The following ME1 variants were observed in gnomAD, a reference collection of about 807,000 sequenced individuals.
ME1 encodes the protein malic enzyme 1, also known as NADP-dependent malic enzyme.
A neutral mutation model predicts 66.4 loss-of-function variants in ME1; 74 were observed. That is an observed-to-expected ratio of 1.11 (90% confidence interval 0.92 to 1.35). The LOEUF is 1.35. ME1 is among the 40% of genes most tolerant of loss of function. ME1 has a pLI of 0.00. For missense variants in ME1, 750 were observed against 694.1 expected (o/e 1.08, Z -0.90); for synonymous variants, 251 against 235.6 (o/e 1.07, Z -0.60).
At chr6:83,339,551 C>A (rs1768532315) in intron 5 of ME1, among the ~76,000 whole-genome samples, 1 of 21,486 alleles carries the variant, frequency 4.7e-5, no homozygotes, top group Non-Finnish European at 9.6e-5. Flanking sequence ...TTCACAATAG[C>A]AAAGACTTGG....
At chr6:83,358,606 C>T (rs1302914067) in intron 3 of ME1, among the ~76,000 whole-genome samples, 6 of 152,062 alleles carry the variant, frequency 3.9e-5, no homozygotes, top group Non-Finnish European at 8.8e-5. Context: ...GTGAGGGCAT[C>T]GATTAGAAAA....
intron 12 of ME1, among the ~76,000 whole-genome samples, chr6:83,221,949 T>C (rs1165434648): frequency 6.6e-6 from 1 of 151,676 alleles, no homozygotes; most frequent in Non-Finnish European, 1.5e-5. Flanking sequence ...TCACTAGCTA[T>C]GATAAGAATT....
At chr6:83,268,728 G>GTTATCATTA (rs1554264425) in intron 6 of ME1, among the ~76,000 whole-genome samples, 14 of 143,786 alleles carry the variant, frequency 9.7e-5, no homozygotes, top group African/African-American at 3.7e-4. Flanking sequence ...ACCATGCCCC[G>GTTATCATTA]TTATTATTAT....
At chr6:83,249,975 AATAAAATATCTAACAT>A (rs1184752684) in intron 7 of ME1, among the ~76,000 whole-genome samples, 1 of 152,164 alleles carries the variant, frequency 6.6e-6, no homozygotes, top group Admixed American at 6.5e-5. Context: ...GCACAAATAC[AATAAAATATCTAACAT>A]AGATGAATCC....
chr6:83,405,171 T>C (rs994778282), intron 2 of ME1, among the ~76,000 whole-genome samples: 2 of 152,216 alleles, frequency 1.3e-5, no homozygotes, highest in Non-Finnish European at 2.9e-5. Flanking sequence ...TTGTGTCCTC[T>C]CTTATTTCCT....
At chr6:83,329,389 G>C (rs930774068) in intron 5 of ME1, among the ~76,000 whole-genome samples, 2 of 152,048 alleles carry the variant, frequency 1.3e-5, no homozygotes, top group African/African-American at 4.8e-5. Flanking sequence ...GAAAGCTTTC[G>C]TGTCAATAGA....
chr6:83,419,183 G>T (rs150765340), intron 1 of ME1, among the ~76,000 whole-genome samples: 61 of 152,246 alleles, frequency 4.0e-4, no homozygotes, highest in African/African-American at 1.4e-3. Context: ...TCATAAAAAT[G>T]TTGTGAGTTT....
intron 6 of ME1, among the ~76,000 whole-genome samples, chr6:83,265,268 A>G (rs1477644871): frequency 1.3e-5 from 2 of 152,082 alleles, no homozygotes. Flanking sequence ...ATCCTACAGT[A>G]TAGTGTAAAC....
intron 11 of ME1, among the ~76,000 whole-genome samples, chr6:83,226,904 C>T (rs556519596): frequency 6.6e-6 from 1 of 152,188 alleles, no homozygotes; most frequent in East Asian, 1.9e-4. Context: ...AAGATAGTTG[C>T]CCAAATGTTC....
At chr6:83,359,699 G>A (rs1351917961) in intron 3 of ME1, among the ~76,000 whole-genome samples, 1 of 152,180 alleles carries the variant, frequency 6.6e-6, no homozygotes, top group Non-Finnish European at 1.5e-5. Flanking sequence ...AGTCACTTTA[G>A]ACTGACTCAT....
At chr6:83,421,070 C>T (rs374687129) in intron 1 of ME1, among the ~76,000 whole-genome samples, 3 of 152,078 alleles carry the variant, frequency 2.0e-5, no homozygotes, top group East Asian at 3.8e-4. Flanking sequence ...AAATTCTGAA[C>T]GTCGAACTTG....
At chr6:83,406,591 T>TTCAACG (rs1769949498) in intron 2 of ME1, among the ~76,000 whole-genome samples, 1 of 152,144 alleles carries the variant, frequency 6.6e-6, no homozygotes. Flanking sequence ...GGGATTAGAT[T>TTCAACG]TCAACGTACG....
intron 7 of ME1, among the ~76,000 whole-genome samples, chr6:83,252,531 G>A (rs939881357): frequency 6.6e-6 from 1 of 152,076 alleles, no homozygotes; most frequent in Admixed American, 6.6e-5. Flanking sequence ...AAACTCCTAC[G>A]CTCAAGCGAT....
At chr6:83,381,493 T>G (rs1307544142) in intron 3 of ME1, among the ~76,000 whole-genome samples, 1 of 152,018 alleles carries the variant, frequency 6.6e-6, no homozygotes, top group Non-Finnish European at 1.5e-5. Context: ...GAAAGTCTTA[T>G]GTACAGGAGA....
At chr6:83,308,077 C>T (rs2128537931) in intron 6 of ME1, among the ~76,000 whole-genome samples, 1 of 152,180 alleles carries the variant, frequency 6.6e-6, no homozygotes, top group East Asian at 1.9e-4. Context: ...CTCATTATCA[C>T]ACCTGGCAGC....
At chr6:83,292,743 G>A (rs1767527242) in intron 6 of ME1, among the ~76,000 whole-genome samples, 1 of 152,212 alleles carries the variant, frequency 6.6e-6, no homozygotes, top group African/African-American at 2.4e-5. Context: ...GGAATCTAGA[G>A]AGGCAGTAGG....
rs145268881 is a variant in ME1, at chr6:83,221,468, G to A, written c.1449+2292C>T. Among the ~76,000 whole-genome samples, 502 of 152,304 alleles carry A rather than the reference G, an allele frequency of 3.3e-3. 2 individuals are homozygous for A. The highest frequency in any genetic ancestry group is 0.012 in the African/African-American group (482 of 41,560). On this transcript the variant is annotated intron_variant, in intron 12 of 13. Transcript: ENST00000369705. The stretch of plus-strand genomic sequence containing the variant: ...ATACATATGCATGGTGTGTTTGAAG[G>A]CTATGGGATGAGGGAGAATGAAAAG...
chr6:83,281,491 T>C lies in ME1; in HGVS notation c.705-27753A>G, dbSNP rs572067987. 4.6e-5 allele frequency among the ~76,000 whole-genome samples: 7 copies of C among 152,112 alleles called. No individual in the cohort carries two copies. The South Asian group carries it at 1.5e-3, about 32-fold the overall frequency. On this transcript the variant is annotated intron_variant, in intron 6 of 13. Transcript: ENST00000369705. ...TTTACTACAGGGCTTACTGAAAATGTCAAGGCAAGGCTGAAAATCAACACA... is the reference window on the plus strand; with the variant it reads ...TTTACTACAGGGCTTACTGAAAATGCCAAGGCAAGGCTGAAAATCAACACA...
intron 6 of ME1, among the ~76,000 whole-genome samples, chr6:83,287,397 T>C (rs1663746011): frequency 6.6e-6 from 1 of 152,200 alleles, no homozygotes; most frequent in Non-Finnish European, 1.5e-5. Flanking sequence ...AGTGAGAACA[T>C]GCGGTGTTTG....
Sources: allele counts gnomAD v4.1 joint callset (sites outside exome capture counted in the v4.1 genomes callset), GRCh38; gene constraint gnomAD v4.1.1; transcripts MANE v1.5; gene names NCBI Gene and HGNC (gene_info 2026-07-23, HGNC 2026-07-21).